Variants in KCNH1 observed in about 807,000 individuals in gnomAD.
KCNH1 encodes the protein voltage-gated delayed rectifier potassium channel KCNH1.
KCNH1 carries 27 observed loss-of-function variants against 69.2 expected under a neutral mutation model. That is an observed-to-expected ratio of 0.39 (90% CI 0.29 to 0.54). The LOEUF (loss-of-function observed/expected upper bound fraction) is 0.54. Among genes scored for constraint, KCNH1 ranks in the 20% least tolerant of loss-of-function variants. KCNH1 has a pLI of 0.68. For synonymous variants in KCNH1, 456 were observed against 487.7 expected, an observed-to-expected ratio of 0.93 and a Z score of 0.86; for missense variants, 798 against 1,261.6, an observed-to-expected ratio of 0.63 and a Z score of 5.57.
intron 7 of KCNH1, among the ~76,000 whole-genome samples, chr1:210,869,772 C>A (rs1686198227): frequency 1.3e-5 from 2 of 152,086 alleles, no homozygotes; most frequent in Admixed American, 6.6e-5. Context: ...CAATATTAAG[C>A]AAGGACCCTA....
At chr1:211,049,773 G>T (rs1168309908) in intron 5 of KCNH1, among the ~76,000 whole-genome samples, 1 of 152,072 alleles carries the variant, frequency 6.6e-6, no homozygotes, top group Non-Finnish European at 1.5e-5. Flanking sequence ...AGACAAAATT[G>T]TCAACAAACT....
intron 7 of KCNH1, among the ~76,000 whole-genome samples, chr1:210,877,918 A>G (rs999857317): frequency 6.6e-6 from 1 of 152,150 alleles, no homozygotes; most frequent in African/African-American, 2.4e-5. Flanking sequence ...CATAGATGCA[A>G]GAAATTGATT....
chr1:210,995,399 A>G lies in KCNH1; in HGVS notation c.1032+23384T>C, dbSNP rs138194039. On this transcript the variant is annotated intron_variant, in intron 6 of 10. Transcript: ENST00000271751. ...AAATTAACACAGCAATTGTCTGCCA[A>G]TGGATTCTAATGCTGTGGGAAAAAA... 5.9e-3 allele frequency among the ~76,000 whole-genome samples: 901 copies of G among 152,288 alleles called. 6 individuals carry two copies. Among genetic ancestry groups the G allele is most frequent in the Middle Eastern group, 0.01 (3 of 294 alleles).
intron 7 of KCNH1, among the ~76,000 whole-genome samples, chr1:210,915,737 T>A (rs535579016): frequency 1.1e-4 from 17 of 152,340 alleles, no homozygotes; most frequent in African/African-American, 3.6e-4. Context: ...AAAACAGGTA[T>A]GCTAGCTTGA....
chr1:210,848,095 G>A (rs1474948214), intron 7 of KCNH1, among the ~76,000 whole-genome samples: 2 of 152,282 alleles, frequency 1.3e-5, no homozygotes, highest in South Asian at 2.1e-4. Context: ...GAGAGTTATA[G>A]GTTCTTGGAA....
chr1:210,715,142 A>G (rs1172865307), intron 10 of KCNH1, among the ~76,000 whole-genome samples: 3 of 152,322 alleles, frequency 2.0e-5, no homozygotes, highest in Non-Finnish European at 4.4e-5. Context: ...CTGGGAATAG[A>G]AACCCCCAGC....
At chr1:210,686,418 C>T (rs969314822) in intron 10 of KCNH1, among the ~76,000 whole-genome samples, 1 of 152,224 alleles carries the variant, frequency 6.6e-6, no homozygotes, top group East Asian at 1.9e-4. Context: ...CTCCCAACTC[C>T]AATGGCCCTT....
intron 9 of KCNH1, among the ~76,000 whole-genome samples, chr1:210,795,253 C>T (rs1217366714): frequency 2.0e-5 from 3 of 152,010 alleles, no homozygotes; most frequent in Non-Finnish European, 4.4e-5. Flanking sequence ...CGCTTCTGAT[C>T]CTCCCACCTA....
At chr1:210,911,631 C>CAAA (rs61661527) in intron 7 of KCNH1, among the ~76,000 whole-genome samples, 2 of 104,946 alleles carry the variant, frequency 1.9e-5, no homozygotes, top group African/African-American at 6.3e-5. Flanking sequence ...ATTTTCAAAG[C>CAAA]AAAAAAAAAA....
At chr1:210,891,506 T>C (rs1402433771) in intron 7 of KCNH1, among the ~76,000 whole-genome samples, 3 of 151,410 alleles carry the variant, frequency 2.0e-5, no homozygotes, top group African/African-American at 7.3e-5. Context: ...AAACTGCACA[T>C]TGTGCACACA....
chr1:211,032,300 A>T (rs1245087810), intron 5 of KCNH1, among the ~76,000 whole-genome samples: 3 of 152,186 alleles, frequency 2.0e-5, no homozygotes, highest in African/African-American at 4.8e-5. Context: ...TGCTCATGGG[A>T]AGGAAGAATC....
intron 6 of KCNH1, among the ~76,000 whole-genome samples, chr1:210,989,549 T>C (rs1287064580): frequency 6.6e-6 from 1 of 152,228 alleles, no homozygotes; most frequent in African/African-American, 2.4e-5. Flanking sequence ...ATAAACCTGA[T>C]ATGCCCTAGT....
chr1:211,059,668 G>A (rs554773034), intron 5 of KCNH1, among the ~76,000 whole-genome samples: 6 of 151,894 alleles, frequency 4.0e-5, no homozygotes, highest in South Asian at 2.1e-4. Context: ...GCGTGAACCC[G>A]GGAGGTGGAG....
chr1:211,000,779 T>C (rs1408679668), intron 6 of KCNH1, among the ~76,000 whole-genome samples: 2 of 152,152 alleles, frequency 1.3e-5, no homozygotes, highest in African/African-American at 4.8e-5. Context: ...AAGGCTACAG[T>C]AACCAAAACA....
chr1:211,009,192 T>A (rs1361075932), intron 6 of KCNH1, among the ~76,000 whole-genome samples: 1 of 152,100 alleles, frequency 6.6e-6, no homozygotes, highest in Non-Finnish European at 1.5e-5. Context: ...ACATGGAGAA[T>A]GAGATGAGAA....
At chr1:211,000,834 A>C (rs1689162461) in intron 6 of KCNH1, among the ~76,000 whole-genome samples, 1 of 152,218 alleles carries the variant, frequency 6.6e-6, no homozygotes, top group African/African-American at 2.4e-5. Context: ...AATGGAACAG[A>C]ACAGAGCCCT....
intron 7 of KCNH1, among the ~76,000 whole-genome samples, chr1:210,839,077 A>G (rs1320855190): frequency 2.6e-5 from 4 of 152,232 alleles, no homozygotes; most frequent in Admixed American, 1.3e-4. Context: ...CCAAAGGAAT[A>G]TAAGTCATTT....
chr1:210,786,868 A>C (rs1684113686), intron 9 of KCNH1, among the ~76,000 whole-genome samples: 1 of 152,184 alleles, frequency 6.6e-6, no homozygotes, highest in Non-Finnish European at 1.5e-5. Context: ...AATTTCATAC[A>C]TAAAATACCT....
intron 1 of KCNH1, among the ~76,000 whole-genome samples, chr1:211,119,380 A>T (rs910674966): frequency 6.6e-6 from 1 of 152,172 alleles, no homozygotes; most frequent in Non-Finnish European, 1.5e-5. Context: ...TAAAAAAAGC[A>T]AGTTTGAGTA....
Sources: allele counts gnomAD v4.1 joint callset (sites outside exome capture counted in the v4.1 genomes callset), GRCh38; gene constraint gnomAD v4.1.1; transcripts MANE v1.5; gene names NCBI Gene and HGNC (gene_info 2026-07-23, HGNC 2026-07-21).